KCNMB2: variants seen among roughly 807,000 people sequenced by gnomAD.
KCNMB2 encodes the protein calcium-activated potassium channel subunit beta-2.
Under a neutral mutation model 24.5 loss-of-function variants are expected in KCNMB2, and 9 were observed. That is an observed-to-expected ratio of 0.37 (90% CI 0.22 to 0.64). The LOEUF is 0.64. KCNMB2 is among the 30% of genes least tolerant of loss of function. The pLI is 0.63. For synonymous variants in KCNMB2, 109 were observed against 104.4 expected, an observed-to-expected ratio of 1.04 and a Z score of -0.27; for missense variants, 226 against 284.3, an observed-to-expected ratio of 0.79 and a Z score of 1.47.
intron 1 of KCNMB2, among the ~76,000 whole-genome samples, chr3:178,786,236 A>T (rs1362225185): frequency 6.6e-6 from 1 of 152,184 alleles, no homozygotes; most frequent in Non-Finnish European, 1.5e-5. Flanking sequence ...GACAAATTTA[A>T]TTATAGTTCA....
chr3:178,735,270 C>G (rs1404279823), intron 1 of KCNMB2, among the ~76,000 whole-genome samples: 2 of 152,198 alleles, frequency 1.3e-5, no homozygotes, highest in African/African-American at 4.8e-5. Flanking sequence ...TAAGGCAGGA[C>G]AGAGGGACAC....
At chr3:178,614,297 G>GTATATATATATATATATATATATA (rs1718620687) in intron 1 of KCNMB2, among the ~76,000 whole-genome samples, 1 of 54,594 alleles carries the variant, frequency 1.8e-5, no homozygotes, top group African/African-American at 6.9e-5. Flanking sequence ...ATATATATAT[G>GTATATATATATATATATATATATA]TATGTATATA....
chr3:178,669,898 C>T (rs774018421), intron 1 of KCNMB2, among the ~76,000 whole-genome samples: 15 of 151,980 alleles, frequency 9.9e-5, no homozygotes, highest in Non-Finnish European at 1.5e-5. Context: ...GAAGCAGCAG[C>T]AAACCACAGA....
At chr3:178,823,370 G>C (rs562174748) in intron 2 of KCNMB2, among the ~76,000 whole-genome samples, 2 of 152,256 alleles carry the variant, frequency 1.3e-5, no homozygotes, top group Admixed American at 1.3e-4. Context: ...GCAAGTGAGA[G>C]TGGGAAGAAG....
intron 1 of KCNMB2, among the ~76,000 whole-genome samples, chr3:178,797,245 A>C (rs1397968302): frequency 6.6e-6 from 1 of 152,164 alleles, no homozygotes; most frequent in Non-Finnish European, 1.5e-5. Flanking sequence ...CCATAATAAA[A>C]AGCTTCCTGC....
intron 1 of KCNMB2, among the ~76,000 whole-genome samples, chr3:178,793,517 G>GGGT (rs1041414876): frequency 2.6e-5 from 4 of 151,586 alleles, no homozygotes; most frequent in South Asian, 2.1e-4. Context: ...TTCACCCTGG[G>GGGT]GGGGTGGGCA....
chr3:178,568,522 A>T (rs1311280697), intron 1 of KCNMB2, among the ~76,000 whole-genome samples: 1 of 152,206 alleles, frequency 6.6e-6, no homozygotes, highest in Non-Finnish European at 1.5e-5. Context: ...GCTTGGAAAG[A>T]GCACAAAACC....
rs150561596 is a variant in KCNMB2, at chr3:178,729,655, G to C, written c.-67-77688G>C. Among the ~76,000 whole-genome samples the C allele has an allele frequency of 3.8e-3, 583 of 152,224 alleles. 12 individuals carry two copies. Among genetic ancestry groups the C allele is most frequent in the Admixed American group, 0.036 (548 of 15,290 alleles). On this transcript the variant is annotated intron_variant, in intron 1 of 4. Transcript: ENST00000452583. ...AATAGACTAATAAAATGACCACATT[G>C]GGCAGATTGCAATTTTATTTCATTT...
At chr3:178,792,906 C>T (rs1160449945) in intron 1 of KCNMB2, among the ~76,000 whole-genome samples, 2 of 152,252 alleles carry the variant, frequency 1.3e-5, no homozygotes, top group African/African-American at 2.4e-5. Context: ...CAGCACCTGT[C>T]TGAGCACTGG....
chr3:178,723,241 G>A (rs1722865084), intron 1 of KCNMB2, among the ~76,000 whole-genome samples: 1 of 152,114 alleles, frequency 6.6e-6, no homozygotes, highest in Non-Finnish European at 1.5e-5. Flanking sequence ...GAATCAGATT[G>A]TGATATCTTT....
At chr3:178,707,553 C>T (rs187531014) in intron 1 of KCNMB2, among the ~76,000 whole-genome samples, 163 of 152,254 alleles carry the variant, frequency 1.1e-3, no homozygotes, top group Middle Eastern at 3.4e-3. Context: ...AGTAATTCTG[C>T]ACTTGGCTGC....
chr3:178,656,699 G>A (rs1278162908), intron 1 of KCNMB2, among the ~76,000 whole-genome samples: 1 of 152,102 alleles, frequency 6.6e-6, no homozygotes, highest in Non-Finnish European at 1.5e-5. Context: ...CTTGAACCGG[G>A]AGATGGAGGT....
chr3:178,602,489 T>TA (rs1290860538), intron 1 of KCNMB2, among the ~76,000 whole-genome samples: 1 of 148,856 alleles, frequency 6.7e-6, no homozygotes, highest in Non-Finnish European at 1.5e-5. Context: ...AGGGGGTCAA[T>TA]AAAAAAATAG....
rs987783625 is a variant in KCNMB2 at position 178,544,230 on chromosome 3, C to G, written c.-68+7519C>G. On this transcript the variant is annotated intron_variant, in intron 1 of 4. Coordinates refer to ENST00000452583, the MANE Select transcript of KCNMB2 (RefSeq NM_181361.3). ...AGGGAATTATTTTATAATAATTAAG[C>G]CCTGGATCTGCCATGGGCTCACTAA... Among the ~76,000 whole-genome samples, 4 of 152,112 alleles carry G rather than the reference C, an allele frequency of 2.6e-5. No homozygotes were observed. The East Asian group carries it at 7.7e-4, about 29-fold the overall frequency.
chr3:178,587,043 A>C (rs935327811), intron 1 of KCNMB2, among the ~76,000 whole-genome samples: 1 of 152,222 alleles, frequency 6.6e-6, no homozygotes, highest in African/African-American at 2.4e-5. Flanking sequence ...TATGTAATAA[A>C]ATAGTCTCTT....
At chr3:178,777,428 C>T (rs890580106) in intron 1 of KCNMB2, among the ~76,000 whole-genome samples, 2 of 152,094 alleles carry the variant, frequency 1.3e-5, no homozygotes, top group African/African-American at 4.8e-5. Context: ...TGCAAGACTC[C>T]GTCTCAAAAA....
intron 1 of KCNMB2, among the ~76,000 whole-genome samples, chr3:178,738,021 A>C (rs1723373024): frequency 6.6e-6 from 1 of 152,170 alleles, no homozygotes; most frequent in Non-Finnish European, 1.5e-5. Context: ...AGAGATCAGA[A>C]GGTATTGGTG....
intron 1 of KCNMB2, among the ~76,000 whole-genome samples, chr3:178,635,477 C>T (rs192774803): frequency 3.4e-4 from 52 of 151,498 alleles, no homozygotes; most frequent in Non-Finnish European, 1.6e-4. Context: ...GCTTTGACAC[C>T]GGGCAGAGGG....
At chr3:178,808,501 T>G (rs1405397137) in intron 2 of KCNMB2, among the ~76,000 whole-genome samples, 1 of 152,224 alleles carries the variant, frequency 6.6e-6, no homozygotes, top group Non-Finnish European at 1.5e-5. Context: ...GAAGGAGGTT[T>G]GCCTGAATAC....
Sources: allele counts gnomAD v4.1 joint callset (sites outside exome capture counted in the v4.1 genomes callset), GRCh38; gene constraint gnomAD v4.1.1; transcripts MANE v1.5; gene names NCBI Gene and HGNC (gene_info 2026-07-23, HGNC 2026-07-21).